MPRIP: variants seen among roughly 807,000 people sequenced by gnomAD.
MPRIP encodes the protein myosin phosphatase Rho-interacting protein.
MPRIP carries 59 observed loss-of-function variants against 234.9 expected under a neutral mutation model. That is an observed-to-expected ratio of 0.25 (90% CI 0.20 to 0.31). The LOEUF is 0.31. Ranked by LOEUF, MPRIP falls within the 10% of genes least tolerant of loss-of-function variation. The pLI is 1.00. For missense variants in MPRIP, 2,436 were observed against 3,071.0 expected (o/e 0.79, Z 4.89); for synonymous variants, 1,144 against 1,263.9 (o/e 0.91, Z 2.01).
chr17:17,083,715 G>A (rs959159293), intron 3 of MPRIP, among the ~76,000 whole-genome samples: 3 of 152,086 alleles, frequency 2.0e-5, no homozygotes, highest in African/African-American at 7.2e-5. Context: ...TAACCACTTT[G>A]TGTGTTTTTT....
intron 3 of MPRIP, among the ~76,000 whole-genome samples, chr17:17,122,955 G>A (rs2090420950): frequency 6.6e-6 from 1 of 152,192 alleles, no homozygotes; most frequent in Non-Finnish European, 1.5e-5. Flanking sequence ...GCCAAAAAAT[G>A]GAAACAGTCC....
At chr17:17,142,797 G>T (rs975212127) in intron 8 of MPRIP, 32 bp downstream of exon 8, 11 of 1,606,036 alleles carry the variant, frequency 6.8e-6, no homozygotes, top group South Asian at 4.4e-5. Context: ...GCACCTCAGG[G>T]GTGGCTCGGG....
At chr17:17,064,255 G>T (rs1338318315) in intron 1 of MPRIP, among the ~76,000 whole-genome samples, 1 of 151,210 alleles carries the variant, frequency 6.6e-6, no homozygotes, top group African/African-American at 2.4e-5. Context: ...AGGCTGGGGT[G>T]CAGTGGCGCA....
intron 3 of MPRIP, among the ~76,000 whole-genome samples, chr17:17,123,437 C>A (rs1266241221): frequency 6.6e-6 from 1 of 152,006 alleles, no homozygotes; most frequent in Admixed American, 6.6e-5. Context: ...CTGAAGCAGG[C>A]GGATCAGTTG....
intron 3 of MPRIP, among the ~76,000 whole-genome samples, chr17:17,096,166 T>C (rs1048223075): frequency 3.3e-5 from 5 of 152,150 alleles, no homozygotes; most frequent in Admixed American, 1.3e-4. Flanking sequence ...GTGCCTGCCT[T>C]GTACCCACCT....
rs1029688348 is a variant in MPRIP at position 17,192,442 on chromosome 17, G to A, written c.*7548G>A. 1.3e-5 allele frequency: 1 copy of A among 75,642 alleles called. No homozygotes were observed. The highest frequency in any genetic ancestry group is 4.6e-4 in the East Asian group (1 of 2,178). The allele number at this position is 75,642 out of a possible 1,614,324, so 4.7% of individuals were successfully genotyped here. A position where few individuals can be genotyped will look rare whatever the true frequency, so the allele number is the denominator to read the frequency against. On this transcript the variant is annotated 3_prime_UTR_variant, in exon 24 of 24. Transcript: ENST00000651222. ...GCTTTTTTTTTGGGGGGGGGGGGGG[G>A]AGGGGCGTCTTGAGGCTTTTTTTTT... is the stretch of plus-strand genomic sequence containing the variant.
chr17:17,143,661 T>C lies in MPRIP; in HGVS notation c.1495T>C (p.Ser499Pro). The change falls in exon 9 of 24, where the codon TCC (serine) becomes CCC (proline). Residue 499 changes from serine to proline, a missense_variant. Transcript: ENST00000651222. ...KSLDRRSTEP[S>P]VTPDLLNFKK... is the part of the protein sequence containing the mutation. ...ACTGGACAGGAGGTCCACGGAGCCC[T>C]CCGTGACGGTGAGCCCAGGCGCCGC... The C allele has an allele frequency of 6.3e-7, 1 of 1,598,716 alleles. No individual in the cohort carries two copies. The highest frequency in any genetic ancestry group is 8.5e-7 in the Non-Finnish European group (1 of 1,172,446).
Position 17,161,374 on chromosome 17 carries a change from C to T in MPRIP, c.2517+18C>T. On this transcript the variant is annotated intron_variant, in intron 15 of 23. Coordinates refer to ENST00000651222, the MANE Select transcript of MPRIP (RefSeq NM_001364716.4). ...TGCTGCAGGTAGGGTGGAGGGGCTG[C>T]TGTGGCCCATGGTGCGCTCAGGAGC... is the stretch of plus-strand genomic sequence containing the variant. The T allele has an allele frequency of 1.3e-6, 2 of 1,531,726 alleles. No homozygotes were observed. Among genetic ancestry groups the T allele is most frequent in the African/African-American group, 2.7e-5 (2 of 73,768 alleles). The allele number at this position is 1,531,726 out of a possible 1,614,324, so 94.9% of individuals were successfully genotyped here. A position where few individuals can be genotyped will look rare whatever the true frequency, so the allele number is the denominator to read the frequency against.
At chr17:17,052,332 A>T (rs1297537290) in intron 1 of MPRIP, among the ~76,000 whole-genome samples, 3 of 152,184 alleles carry the variant, frequency 2.0e-5, no homozygotes, top group Non-Finnish European at 4.4e-5. Context: ...GGTATATTGC[A>T]GTGCTGCAGA....
chr17:17,184,021 G>A (rs906699994), intron 23 of MPRIP, among the ~76,000 whole-genome samples: 3 of 152,228 alleles, frequency 2.0e-5, no homozygotes, highest in Admixed American at 1.3e-4. Flanking sequence ...GCACTTTCCA[G>A]TCAGTACTGG....
At chr17:17,096,288 G>GGTGTGTGTGT (rs59748753) in intron 3 of MPRIP, among the ~76,000 whole-genome samples, 2 of 136,586 alleles carry the variant, frequency 1.5e-5, no homozygotes, top group Admixed American at 7.3e-5. Flanking sequence ...GTGTGTGCAG[G>GGTGTGTGTGT]GTGTGTGTGT....
chr17:17,127,061 C>A, intron 4 of MPRIP, among the ~76,000 whole-genome samples: 1 of 152,202 alleles, frequency 6.6e-6, no homozygotes. Flanking sequence ...CTCTGGGGCC[C>A]CTCTTTGCTC....
rs1434203747 is a variant in MPRIP, at chr17:17,185,352, A to G, written c.*458A>G. 2 of 376,862 alleles carry G rather than the reference A, an allele frequency of 5.3e-6. No homozygotes were observed. Among genetic ancestry groups the G allele is most frequent in the Admixed American group, 3.2e-5 (1 of 31,368 alleles). 23.3% of individuals were successfully genotyped at this position (376,862 alleles called of 1,614,324 possible). On this transcript the variant is annotated 3_prime_UTR_variant, in exon 24 of 24. Transcript: ENST00000651222. ...GACACTCCAGCTTGGCCTGGGTCAC[A>G]GCACTGACTCCTCACCCGCTAGTCT...
rs537543393 is a variant in MPRIP at position 17,049,064 on chromosome 17, A to G, written c.123+6093A>G. Among the ~76,000 whole-genome samples, 117 of 152,358 alleles carry G rather than the reference A, an allele frequency of 7.7e-4. 1 individual carries two copies. In the Middle Eastern group the frequency reaches 0.024, roughly 31 times the overall value. ...GGACGAACCTAGAAAACATTGCGCT[A>G]AGAGGCAGACATGAAAGGTCATGTG... On this transcript the variant is annotated intron_variant, in intron 1 of 23. Coordinates refer to ENST00000651222, the MANE Select transcript of MPRIP (RefSeq NM_001364716.4).
At chr17:17,043,045 C>G (rs2088228980) in intron 1 of MPRIP, 74 bp downstream of exon 1, 1 of 1,435,690 alleles carries the variant, frequency 7.0e-7, no homozygotes. Flanking sequence ...CCGCCAAGGG[C>G]TGCAGGGAAA....
intron 2 of MPRIP, 176 bp from the exon 3 acceptor site, chr17:17,077,835 G>C (rs2089370604): frequency 1.6e-6 from 1 of 629,648 alleles, no homozygotes; most frequent in Admixed American, 2.4e-5. Flanking sequence ...AGTCCTGGCT[G>C]ATGAATCAAC....
At chr17:17,140,588 G>T (rs1281624640) in intron 7 of MPRIP, among the ~76,000 whole-genome samples, 2 of 152,174 alleles carry the variant, frequency 1.3e-5, no homozygotes, top group African/African-American at 4.8e-5. Flanking sequence ...ACACCTACCT[G>T]AAATGGCAGC....
intron 3 of MPRIP, among the ~76,000 whole-genome samples, chr17:17,101,608 T>C (rs188066376): frequency 6.7e-6 from 1 of 149,312 alleles, no homozygotes; most frequent in Admixed American, 6.8e-5. Flanking sequence ...ACAAAAAAAA[T>C]ATATATATAG....
chr17:17,140,508 G>T (rs2090790298), intron 7 of MPRIP, among the ~76,000 whole-genome samples: 1 of 152,200 alleles, frequency 6.6e-6, no homozygotes, highest in African/African-American at 2.4e-5. Context: ...AGCCCACCCT[G>T]TGCTTGGTTG....
Sources: allele counts gnomAD v4.1 joint callset (sites outside exome capture counted in the v4.1 genomes callset), GRCh38; gene constraint gnomAD v4.1.1; transcripts MANE v1.5; gene names NCBI Gene and HGNC (gene_info 2026-07-23, HGNC 2026-07-21).